Variants in PACRG observed in about 807,000 individuals in gnomAD.
The protein encoded by PACRG is parkin coregulated gene protein.
PACRG carries 29 observed loss-of-function variants against 29.7 expected under a neutral mutation model. The ratio of observed to expected loss-of-function variants is 0.98; its 90% CI spans 0.73 to 1.33. PACRG has a LOEUF of 1.33. Ranked by LOEUF, PACRG falls within the 40% of genes most tolerant of loss-of-function variation. The pLI is 0.00. For synonymous variants in PACRG, 116 were observed against 118.7 expected (o/e 0.98, Z 0.15); for missense variants, 279 against 316.2 (o/e 0.88, Z 0.89).
At chr6:163,172,223 C>T (rs2128347858) in intron 4 of PACRG, among the ~76,000 whole-genome samples, 1 of 152,320 alleles carries the variant, frequency 6.6e-6, no homozygotes, top group East Asian at 1.9e-4. Flanking sequence ...TTGTAGCCAG[C>T]ATTGGAAATT....
chr6:163,233,017 G>A (rs900667460), intron 4 of PACRG, among the ~76,000 whole-genome samples: 1 of 152,240 alleles, frequency 6.6e-6, no homozygotes, highest in Admixed American at 6.5e-5. Flanking sequence ...GTAGCAAAGG[G>A]CATCTCTGGG....
rs1254542459 is a variant in PACRG, at chr6:162,853,952, CTA to C, written c.291+39673_291+39674del. Reference sequence around the variant, plus strand: ...GGTCCATGCTAGGTATAAATATTAACTATTATTATTAATATCATTAGTATCAT... The same window carrying C: ...GGTCCATGCTAGGTATAAATATTAACTTATTATTAATATCATTAGTATCAT... On this transcript the variant is annotated intron_variant, in intron 2 of 4. Transcript: ENST00000366888. The surrounding 1 kb of genome is among the most constrained non-coding windows in gnomAD (Gnocchi z 4.7). Among the ~76,000 whole-genome samples the C allele has an allele frequency of 6.6e-6, 1 of 151,906 alleles. No individual in the cohort carries two copies. The highest frequency in any genetic ancestry group is 6.6e-5 in the Admixed American group (1 of 15,248).
At chr6:163,042,533 G>C (rs1444128055) in intron 2 of PACRG, 1 of 152,058 alleles carries the variant, frequency 6.6e-6, no homozygotes, top group Non-Finnish European at 1.5e-5. Flanking sequence ...TCTTTCTTAT[G>C]GCAAATAAAG....
intron 2 of PACRG, among the ~76,000 whole-genome samples, chr6:163,004,249 A>C (rs1804835223): frequency 6.7e-6 from 1 of 150,336 alleles, no homozygotes; most frequent in Non-Finnish European, 1.5e-5. Context: ...TCAAATATGT[A>C]TATGAACATA....
chr6:162,861,777 C>T (rs1415399551), intron 2 of PACRG, among the ~76,000 whole-genome samples: 1 of 152,170 alleles, frequency 6.6e-6, no homozygotes, highest in Non-Finnish European at 1.5e-5. Context: ...AAGTTATGCT[C>T]ACTATAATTG....
intron 4 of PACRG, among the ~76,000 whole-genome samples, chr6:163,216,517 T>A (rs1268999570): frequency 1.3e-5 from 2 of 152,172 alleles, no homozygotes. Flanking sequence ...CTATAATTAA[T>A]GTAAAGCAAG....
chr6:163,234,967 A>ACAGAG (rs1298610329), intron 4 of PACRG, among the ~76,000 whole-genome samples: 1 of 152,202 alleles, frequency 6.6e-6, no homozygotes, highest in Non-Finnish European at 1.5e-5. Context: ...TTTGGGTTAG[A>ACAGAG]CAGAGACTTG....
At chr6:163,219,608 A>G (rs1034688907) in intron 4 of PACRG, among the ~76,000 whole-genome samples, 15 of 151,992 alleles carry the variant, frequency 9.9e-5, no homozygotes, top group Admixed American at 4.6e-4. Context: ...TGCGGCCTGC[A>G]GTCAGCCTGC....
intron 2 of PACRG, among the ~76,000 whole-genome samples, chr6:162,921,541 G>A (rs747426078): frequency 1.2e-4 from 18 of 152,270 alleles, no homozygotes; most frequent in Admixed American, 7.9e-4. Context: ...ACATGGAGAT[G>A]CTTGGGCTAC....
chr6:163,095,279 G>A (rs1294333958), intron 4 of PACRG: 3 of 985,222 alleles, frequency 3.0e-6, no homozygotes, highest in African/African-American at 3.5e-5. Context: ...AAGCATCAGG[G>A]GAGTGGGGTC....
chr6:163,189,439 A>T (rs1263339029), intron 4 of PACRG: 1 of 152,244 alleles, frequency 6.6e-6, no homozygotes, highest in Non-Finnish European at 1.5e-5. Flanking sequence ...ATGGATGTTT[A>T]TTACATAACC....
intron 2 of PACRG, among the ~76,000 whole-genome samples, chr6:162,977,556 T>C (rs987341848): frequency 2.6e-5 from 4 of 152,010 alleles, no homozygotes; most frequent in Non-Finnish European, 5.9e-5. Context: ...CATCCCACCC[T>C]TCTCCGACTG....
At chr6:162,755,891 TTTCTTC>T (rs1261141431) in intron 1 of PACRG, among the ~76,000 whole-genome samples, 6 of 152,248 alleles carry the variant, frequency 3.9e-5, no homozygotes, top group Admixed American at 3.3e-4. Flanking sequence ...CCTTTTTTTA[TTTCTTC>T]TGTGACCCAG....
intron 1 of PACRG, among the ~76,000 whole-genome samples, chr6:162,803,245 G>A (rs190537938): frequency 1.3e-5 from 2 of 152,256 alleles, no homozygotes; most frequent in African/African-American, 4.8e-5. Flanking sequence ...AGGGCACGAG[G>A]GAGAATTACA....
At chr6:163,203,229 G>A (rs888340850) in intron 4 of PACRG, among the ~76,000 whole-genome samples, 14 of 152,094 alleles carry the variant, frequency 9.2e-5, no homozygotes, top group Non-Finnish European at 1.3e-4. Flanking sequence ...CCTGGCCAAC[G>A]TGGTGAAACC....
At chr6:163,096,223 A>C (rs374366245) in intron 4 of PACRG, among the ~76,000 whole-genome samples, 1 of 152,164 alleles carries the variant, frequency 6.6e-6, no homozygotes, top group Admixed American at 6.5e-5. Context: ...ACAGCTCTGG[A>C]TGCTGCCCTG....
intron 2 of PACRG, among the ~76,000 whole-genome samples, chr6:162,934,117 A>T (rs1281001434): frequency 1.3e-5 from 2 of 152,068 alleles, no homozygotes. Flanking sequence ...TACAAAAGAT[A>T]GCCAGGCATG....
intron 4 of PACRG, among the ~76,000 whole-genome samples, chr6:163,192,246 C>G (rs117387175): frequency 6.6e-6 from 1 of 152,138 alleles, no homozygotes; most frequent in African/African-American, 2.4e-5. Flanking sequence ...TGCAAAGGAA[C>G]CTTAAAGTAT....
chr6:163,244,190 CAGTT>C (rs1782608554), intron 4 of PACRG, among the ~76,000 whole-genome samples: 1 of 152,090 alleles, frequency 6.6e-6, no homozygotes, highest in African/African-American at 2.4e-5. Context: ...CAAGATAGAG[CAGTT>C]TGTTTCATAC....
Sources: allele counts gnomAD v4.1 joint callset (sites outside exome capture counted in the v4.1 genomes callset), GRCh38; gene constraint gnomAD v4.1.1; non-coding constraint Gnocchi (gnomAD v3.1); transcripts MANE v1.5; gene names NCBI Gene and HGNC (gene_info 2026-07-23, HGNC 2026-07-21).